The following AKR1C8 variants were observed in gnomAD, a reference collection of about 807,000 sequenced individuals.
AKR1C8 encodes aldo-keto reductase family 1 member C8.
chr10:5,150,749 A>G, the AKR1C8 span, among the ~76,000 whole-genome samples: 3 of 150,492 alleles, frequency 2.0e-5, no homozygotes, highest in Non-Finnish European at 4.4e-5. Context: ...GCAAAGATTA[A>G]AAAAAAAACC....
At chr10:5,157,653 T>C in the AKR1C8 span, 1 of 472,358 alleles carries the variant, frequency 2.1e-6, no homozygotes, top group South Asian at 1.5e-5. Flanking sequence ...TCTCTTTGAT[T>C]CTCTCCTGAG....
chr10:5,159,206 G>A, the AKR1C8 span, among the ~76,000 whole-genome samples: 379 of 152,256 alleles, frequency 2.5e-3, 4 homozygotes, highest in African/African-American at 8.6e-3. Context: ...GGAAAATGAC[G>A]TATTGGCTAA....
At chr10:5,137,050 A>C in the AKR1C8 span, among the ~76,000 whole-genome samples, 1 of 152,192 alleles carries the variant, frequency 6.6e-6, no homozygotes, top group Non-Finnish European at 1.5e-5. Context: ...TTAGGTAAGC[A>C]ATAGTATCTG....
the AKR1C8 span, among the ~76,000 whole-genome samples, chr10:5,125,412 T>C: frequency 1.1e-4 from 16 of 152,044 alleles, no homozygotes; most frequent in South Asian, 1.9e-3. Flanking sequence ...ACAAAGGACA[T>C]AAACTTTTGG....
At chr10:5,175,788 T>C in the AKR1C8 span, among the ~76,000 whole-genome samples, 1 of 151,992 alleles carries the variant, frequency 6.6e-6, no homozygotes, top group Non-Finnish European at 1.5e-5. Flanking sequence ...TTGAGAAGTG[T>C]CTGTTCATGA....
chr10:5,120,463 T>C, the AKR1C8 span, among the ~76,000 whole-genome samples: 61 of 152,298 alleles, frequency 4.0e-4, no homozygotes, highest in South Asian at 5.2e-3. Flanking sequence ...TCAGTAATAG[T>C]AGTATTATTT....
At chr10:5,158,408 T>C in the AKR1C8 span, among the ~76,000 whole-genome samples, 1 of 152,166 alleles carries the variant, frequency 6.6e-6, no homozygotes, top group Non-Finnish European at 1.5e-5. Context: ...GTCACATAGA[T>C]GAAACAGGAA....
chr10:5,142,371 T>C, the AKR1C8 span, among the ~76,000 whole-genome samples: 5 of 152,170 alleles, frequency 3.3e-5, no homozygotes, highest in African/African-American at 1.2e-4. Context: ...AGTAGCACTG[T>C]AGTTTCCTTA....
At chr10:5,170,527 C>G in the AKR1C8 span, among the ~76,000 whole-genome samples, 1 of 152,030 alleles carries the variant, frequency 6.6e-6, no homozygotes, top group Non-Finnish European at 1.5e-5. Context: ...TTAAAGCCAA[C>G]CCCATTTATG....
the AKR1C8 span, among the ~76,000 whole-genome samples, chr10:5,147,122 C>CT: frequency 6.6e-6 from 1 of 152,140 alleles, no homozygotes; most frequent in African/African-American, 2.4e-5. Flanking sequence ...TTAGCATGCG[C>CT]TGACGTCAGA....
the AKR1C8 span, among the ~76,000 whole-genome samples, chr10:5,128,077 G>C: frequency 6.6e-6 from 1 of 152,166 alleles, no homozygotes; most frequent in Non-Finnish European, 1.5e-5. Flanking sequence ...ACTAACAGGA[G>C]ACTTCTCAGC....
chr10:5,176,697 C>G, the AKR1C8 span, among the ~76,000 whole-genome samples: 4 of 152,048 alleles, frequency 2.6e-5, no homozygotes, highest in Non-Finnish European at 5.9e-5. Flanking sequence ...CCTTCACATC[C>G]CTTGTAAGTT....
chr10:5,163,139 C>T, the AKR1C8 span: 129 of 403,616 alleles, frequency 3.2e-4, 1 homozygote, highest in African/African-American at 1.1e-3. Context: ...TTTGATGACA[C>T]GGGTTTCAGT....
At chr10:5,117,170 T>C in the AKR1C8 span, among the ~76,000 whole-genome samples, 3 of 151,968 alleles carry the variant, frequency 2.0e-5, no homozygotes, top group Non-Finnish European at 4.4e-5. Context: ...TAAAAGGTGC[T>C]TCCTAAACAT....
chr10:5,137,317 T>C, the AKR1C8 span, among the ~76,000 whole-genome samples: 58 of 152,156 alleles, frequency 3.8e-4, no homozygotes, highest in Middle Eastern at 3.4e-3. Flanking sequence ...TTTAGACCAA[T>C]ATCCCTGATG....
chr10:5,149,962 G>A, the AKR1C8 span, among the ~76,000 whole-genome samples: 3 of 142,950 alleles, frequency 2.1e-5, no homozygotes, highest in African/African-American at 9.2e-5. Context: ...AAAGAATAAA[G>A]TCTTCTGGAC....
At chr10:5,126,868 C>A in the AKR1C8 span, among the ~76,000 whole-genome samples, 2 of 151,932 alleles carry the variant, frequency 1.3e-5, no homozygotes, top group South Asian at 4.1e-4. Flanking sequence ...ACTAAGAACC[C>A]AATTAGGCTA....
the AKR1C8 span, among the ~76,000 whole-genome samples, chr10:5,136,870 A>G: frequency 6.6e-6 from 1 of 152,214 alleles, no homozygotes; most frequent in Non-Finnish European, 1.5e-5. Context: ...AATAACATTT[A>G]GTCAAAAATT....
At chr10:5,138,770 A>T in the AKR1C8 span, among the ~76,000 whole-genome samples, 1 of 151,696 alleles carries the variant, frequency 6.6e-6, no homozygotes, top group Non-Finnish European at 1.5e-5. Context: ...CAAGACAGGG[A>T]TGCCCTCTCT....
Sources: allele counts gnomAD v4.1 joint callset (sites outside exome capture counted in the v4.1 genomes callset), GRCh38; gene constraint gnomAD v4.1.1; transcripts MANE v1.5; gene names NCBI Gene and HGNC (gene_info 2026-07-23, HGNC 2026-07-21).